AASS: variants seen among roughly 807,000 people sequenced by gnomAD.
AASS encodes the protein aminoadipate-semialdehyde synthase.
Under a neutral mutation model 105.4 loss-of-function variants are expected in AASS, and 86 were observed. The ratio of observed to expected loss-of-function variants is 0.82; its 90% CI spans 0.69 to 0.98. The LOEUF (loss-of-function observed/expected upper bound fraction) is 0.98. Ranked by LOEUF, AASS falls within the 50% of genes least tolerant of loss-of-function variation. AASS has a pLI of 0.00. For synonymous variants in AASS, 381 were observed against 394.8 expected (o/e 0.96, Z 0.41); for missense variants, 1,048 against 1,143.2 (o/e 0.92, Z 1.20).
chr7:122,085,493 G>GT (rs781513268), intron 19 of AASS, among the ~76,000 whole-genome samples: 3 of 151,872 alleles, frequency 2.0e-5, no homozygotes, highest in Non-Finnish European at 4.4e-5. Context: ...CCCAGTCCAT[G>GT]TTTTTTTAAT....
intron 1 of AASS, among the ~76,000 whole-genome samples, chr7:122,138,786 T>C (rs1796262604): frequency 6.6e-6 from 1 of 152,036 alleles, no homozygotes; most frequent in Non-Finnish European, 1.5e-5. Flanking sequence ...TTTTTATTAT[T>C]TTCCAGAAAA....
At chr7:122,106,264 T>C (rs1273736299) in intron 11 of AASS, among the ~76,000 whole-genome samples, 4 of 152,024 alleles carry the variant, frequency 2.6e-5, no homozygotes, top group Admixed American at 2.6e-4. Context: ...ATGCAAGTGG[T>C]AAAAGAGGGC....
intron 1 of AASS, among the ~76,000 whole-genome samples, chr7:122,140,607 T>A (rs983452347): frequency 6.6e-6 from 1 of 151,802 alleles, no homozygotes; most frequent in Non-Finnish European, 1.5e-5. Flanking sequence ...GGCCAAATGT[T>A]CCAACTTTAA....
Position 122,093,089 on chromosome 7 carries a change from A to C in AASS, c.1725T>G (p.Thr575=). ...TTAGTGCTGGTGTGATGTAGCTTGC[A>C]GTGACCATGTTAACTTTGTTTGTGA... The part of the protein sequence containing the change: ...ACITNKVNMV[T]ASYITPALKE... The change falls in exon 16 of 24, where the codon ACT becomes ACG. Residue 575 remains threonine, a synonymous_variant. Transcript: ENST00000417368. 1 of 1,614,032 alleles carries C rather than the reference A, an allele frequency of 6.2e-7. No individual in the cohort carries two copies. The highest frequency in any genetic ancestry group is 2.2e-5 in the East Asian group (1 of 44,880).
rs188778004 is a variant in AASS, at chr7:122,100,518, C to T, written c.1406+853G>A. Among the ~76,000 whole-genome samples the T allele has an allele frequency of 2.7e-4, 41 of 151,938 alleles. 1 individual carries two copies. The highest frequency in any genetic ancestry group is 5.5e-4 in the African/African-American group (23 of 41,534). On this transcript the variant is annotated intron_variant, in intron 13 of 23. Transcript: ENST00000417368. ...CATATGGAAAAGCCTAACTATAGTACGCTTGATCTGGGCAGATCTCTTTGT... is the reference window on the plus strand; with the variant it reads ...CATATGGAAAAGCCTAACTATAGTATGCTTGATCTGGGCAGATCTCTTTGT...
chr7:122,142,702 C>A (rs1341033996), intron 1 of AASS, among the ~76,000 whole-genome samples: 2 of 152,178 alleles, frequency 1.3e-5, no homozygotes, highest in Admixed American at 1.3e-4. Context: ...TGCATAGAAT[C>A]TTTTGTAGCC....
intron 11 of AASS, among the ~76,000 whole-genome samples, chr7:122,104,413 T>G (rs919106018): frequency 6.6e-6 from 1 of 152,018 alleles, no homozygotes; most frequent in Non-Finnish European, 1.5e-5. Flanking sequence ...CTGGCCAACA[T>G]GGTGAAACCC....
intron 3 of AASS, among the ~76,000 whole-genome samples, 194 bp from the exon 4 acceptor site, chr7:122,126,653 T>C (rs936271928): frequency 1.3e-5 from 2 of 152,122 alleles, no homozygotes; most frequent in Admixed American, 6.5e-5. Context: ...AGGCTTGTAA[T>C]TAGAAATGAA....
At chr7:122,107,059 A>C (rs1794701953) in intron 11 of AASS, among the ~76,000 whole-genome samples, 1 of 152,164 alleles carries the variant, frequency 6.6e-6, no homozygotes, top group African/African-American at 2.4e-5. Context: ...AAACAACCCC[A>C]TTAAAAGCTG....
At position 122,079,723 on chromosome 7, in the gene AASS, A is replaced by G; in HGVS notation, c.2281-11T>C. 6.3e-7 allele frequency: 1 copy of G among 1,588,268 alleles called. No individual in the cohort carries two copies. On this transcript the variant is annotated splice_polypyrimidine_tract_variant and intron_variant, in intron 20 of 23. Coordinates refer to ENST00000417368, the MANE Select transcript of AASS (RefSeq NM_005763.4). ...ACAGAGGAGTTGTTTCTGGTTAGAA[A>G]AAGAAATACAATATTTCTAAGTCCC...
intron 2 of AASS, among the ~76,000 whole-genome samples, chr7:122,131,053 A>G (rs1453359466): frequency 6.6e-6 from 1 of 151,722 alleles, no homozygotes; most frequent in Non-Finnish European, 1.5e-5. Flanking sequence ...AAAAAGAAAA[A>G]ACAATGATAG....
chr7:122,080,235 T>C (rs1171139943), intron 20 of AASS, among the ~76,000 whole-genome samples: 2 of 152,142 alleles, frequency 1.3e-5, no homozygotes, highest in Admixed American at 6.5e-5. Context: ...TTTTTCTAGG[T>C]TCCCAAAGGA....
intron 4 of AASS, among the ~76,000 whole-genome samples, chr7:122,121,457 T>C (rs1051300340): frequency 6.6e-5 from 10 of 152,148 alleles, no homozygotes; most frequent in African/African-American, 2.4e-4. Context: ...TGTAGTGGCA[T>C]GAACACAGTT....
chr7:122,096,961 A>AT (rs1344515691), intron 15 of AASS, among the ~76,000 whole-genome samples: 1 of 152,252 alleles, frequency 6.6e-6, no homozygotes, highest in African/African-American at 2.4e-5. Context: ...AGGCTAGATC[A>AT]TTCTATTTTG....
chr7:122,099,633 T>C (rs1248624194), intron 13 of AASS, among the ~76,000 whole-genome samples: 1 of 151,918 alleles, frequency 6.6e-6, no homozygotes, highest in Admixed American at 6.6e-5. Context: ...TTAAATATTT[T>C]TTGAATCAAA....
At chr7:122,090,659 G>A (rs1352801099) in intron 18 of AASS, among the ~76,000 whole-genome samples, 2 of 152,126 alleles carry the variant, frequency 1.3e-5, no homozygotes, top group African/African-American at 4.8e-5. Flanking sequence ...TGAATGAGGT[G>A]CCTACAACAC....
chr7:122,102,485 A>G (rs189635316), intron 11 of AASS, among the ~76,000 whole-genome samples: 1 of 152,126 alleles, frequency 6.6e-6, no homozygotes, highest in East Asian at 1.9e-4. Flanking sequence ...GGAAGAGCCA[A>G]TGAGACAATC....
At chr7:122,137,084 A>G (rs1361818776) in intron 1 of AASS, among the ~76,000 whole-genome samples, 1 of 152,226 alleles carries the variant, frequency 6.6e-6, no homozygotes, top group Non-Finnish European at 1.5e-5. Flanking sequence ...CTTAAATAAT[A>G]ATTTCTGTAA....
At chr7:122,090,358 A>C (rs1288922963) in intron 18 of AASS, among the ~76,000 whole-genome samples, 3 of 152,134 alleles carry the variant, frequency 2.0e-5, no homozygotes, top group Non-Finnish European at 4.4e-5. Flanking sequence ...AAAAATCCTC[A>C]AACCCAGGCA....
Sources: gnomAD v4.1 joint callset for allele counts (sites outside exome capture counted in the v4.1 genomes callset) on GRCh38, gnomAD v4.1.1 for gene constraint, MANE v1.5 for transcripts, NCBI Gene and HGNC (gene_info 2026-07-23, HGNC 2026-07-21) for gene names.